FER: variants seen among roughly 807,000 people sequenced by gnomAD.
FER encodes tyrosine-protein kinase Fer.
A neutral mutation model predicts 111.0 loss-of-function variants in FER; 63 were observed. That is an observed-to-expected ratio of 0.57 (90% CI 0.46 to 0.70). The LOEUF is 0.70. Ranked by LOEUF, FER falls within the 30% of genes least tolerant of loss-of-function variation. The pLI is 0.00. For missense variants in FER, 914 were observed against 954.0 expected, an observed-to-expected ratio of 0.96 and a Z score of 0.55; for synonymous variants, 327 against 313.9, an observed-to-expected ratio of 1.04 and a Z score of -0.44.
chr5:109,135,405 G>A (rs1017604028), intron 17 of FER, among the ~76,000 whole-genome samples: 12 of 152,194 alleles, frequency 7.9e-5, no homozygotes, highest in African/African-American at 2.7e-4. Flanking sequence ...TTTGAACCCA[G>A]GCAGTCTGGC....
chr5:108,836,918 G>A (rs1393543005), intron 5 of FER, among the ~76,000 whole-genome samples: 2 of 151,388 alleles, frequency 1.3e-5, no homozygotes, highest in Non-Finnish European at 1.5e-5. Flanking sequence ...TTCTCTCCCC[G>A]CTTCCCCCAA....
chr5:109,163,411 T>C (rs1173296054), intron 17 of FER, among the ~76,000 whole-genome samples: 1 of 152,006 alleles, frequency 6.6e-6, no homozygotes, highest in Non-Finnish European at 1.5e-5. Flanking sequence ...AGAAGGTGAG[T>C]GGCTGGGTTC....
At chr5:109,065,072 C>T (rs1017848352) in intron 16 of FER, among the ~76,000 whole-genome samples, 1 of 152,034 alleles carries the variant, frequency 6.6e-6, no homozygotes, top group African/African-American at 2.4e-5. Flanking sequence ...AAATAAAAAA[C>T]AAATTTTACG....
intron 17 of FER, among the ~76,000 whole-genome samples, chr5:109,130,997 G>T (rs1299266093): frequency 6.6e-6 from 1 of 152,044 alleles, no homozygotes; most frequent in African/African-American, 2.4e-5. Context: ...CTCTTAAATT[G>T]TGTGCTCTTC....
At position 109,085,446 on chromosome 5, in the gene FER, ATC is replaced by A. The variant is rs552198414; in HGVS notation, c.1925-14948_1925-14947del. Among the ~76,000 whole-genome samples, 698 of 147,756 alleles carry A rather than the reference ATC, an allele frequency of 4.7e-3. 6 individuals carry two copies. The highest frequency in any genetic ancestry group is 0.016 in the African/African-American group (665 of 40,462). ...CTTCATAAATTCACTGTTCTGCCAA[ATC>A]TGGTGGATTTTTTTTTTTTGTAGAT... On this transcript the variant is annotated intron_variant, in intron 16 of 19. Coordinates refer to ENST00000281092, the MANE Select transcript of FER (RefSeq NM_005246.4).
chr5:109,065,562 A>G (rs1774988583), intron 16 of FER, among the ~76,000 whole-genome samples: 1 of 152,202 alleles, frequency 6.6e-6, no homozygotes, highest in Non-Finnish European at 1.5e-5. Context: ...ATTAATATTA[A>G]GGAAGGTAAA....
chr5:109,160,000 A>G (rs1489742554), intron 17 of FER, among the ~76,000 whole-genome samples: 2 of 152,160 alleles, frequency 1.3e-5, no homozygotes, highest in African/African-American at 2.4e-5. Context: ...CCCAACTTAA[A>G]CCTTGTAAGA....
chr5:109,059,559 T>C (rs1400290826), intron 16 of FER, among the ~76,000 whole-genome samples: 1 of 152,184 alleles, frequency 6.6e-6, no homozygotes, highest in Middle Eastern at 3.4e-3. Context: ...AATTATGGGA[T>C]CTCTGTCTCC....
At chr5:109,071,336 T>C (rs907226665) in intron 16 of FER, among the ~76,000 whole-genome samples, 5 of 152,062 alleles carry the variant, frequency 3.3e-5, no homozygotes, top group African/African-American at 9.6e-5. Context: ...TTTTTTCTCT[T>C]CATAATTAGA....
chr5:109,141,578 C>T (rs1753526325), intron 17 of FER, among the ~76,000 whole-genome samples: 1 of 152,172 alleles, frequency 6.6e-6, no homozygotes, highest in Non-Finnish European at 1.5e-5. Flanking sequence ...TACCATGTGT[C>T]AGAAAAGGAG....
chr5:108,778,190 A>G (rs1305150756), intron 2 of FER, among the ~76,000 whole-genome samples: 2 of 152,152 alleles, frequency 1.3e-5, no homozygotes, highest in South Asian at 2.1e-4. Flanking sequence ...CAGTTCATCT[A>G]TTCACCTACT....
chr5:108,832,754 T>C lies in FER; in HGVS notation c.208-16T>C. ...CTTTAATGCAAATGTTTGTTTCTTT[T>C]TTTTTTTTTTTTAAGTCTTGGCTAC... On this transcript the variant is annotated splice_polypyrimidine_tract_variant and intron_variant, in intron 3 of 19. Transcript: ENST00000281092. The C allele has an allele frequency of 1.4e-6, 2 of 1,422,342 alleles. No homozygotes were observed. The highest frequency in any genetic ancestry group is 2.5e-5 in the East Asian group (1 of 39,660). 88.1% of individuals were successfully genotyped at this position (1,422,342 alleles called of 1,614,324 possible).
chr5:108,902,310 A>G (rs1212351615), intron 10 of FER, among the ~76,000 whole-genome samples: 3 of 152,210 alleles, frequency 2.0e-5, no homozygotes, highest in African/African-American at 4.8e-5. Context: ...TGTTAGTCAT[A>G]TTTATTTTGC....
chr5:108,992,537 C>T (rs1336991939), intron 13 of FER, among the ~76,000 whole-genome samples: 1 of 141,988 alleles, frequency 7.0e-6, no homozygotes. Context: ...GACGGGGCAG[C>T]TGGCCGGGCA....
chr5:109,022,155 T>C (rs971625908), intron 13 of FER, among the ~76,000 whole-genome samples: 42 of 152,080 alleles, frequency 2.8e-4, no homozygotes, highest in African/African-American at 9.4e-4. Flanking sequence ...CCTCAGAGTC[T>C]GTAGATCTTC....
chr5:109,115,723 T>G (rs939207153), intron 17 of FER, among the ~76,000 whole-genome samples: 24 of 152,138 alleles, frequency 1.6e-4, no homozygotes, highest in African/African-American at 5.8e-4. Flanking sequence ...ATCAGAATTT[T>G]CAGCTTCCAA....
chr5:109,044,985 G>T (rs763066903), intron 15 of FER, among the ~76,000 whole-genome samples, 190 bp downstream of exon 15: 157 of 152,062 alleles, frequency 1.0e-3, no homozygotes, highest in Non-Finnish European at 1.7e-3. Context: ...CAAACCAGGT[G>T]TTAAAAAGCA....
intron 5 of FER, 152 bp downstream of exon 5, chr5:108,835,959 TAGTA>T: frequency 2.4e-6 from 1 of 422,834 alleles, no homozygotes; most frequent in East Asian, 4.3e-5. Flanking sequence ...TCAAACAGTG[TAGTA>T]AGTCTTACTA....
intron 17 of FER, among the ~76,000 whole-genome samples, chr5:109,163,173 T>C (rs1756177841): frequency 6.6e-6 from 1 of 152,188 alleles, no homozygotes; most frequent in Non-Finnish European, 1.5e-5. Flanking sequence ...GCTTTCTTTT[T>C]TGTAACTTAT....
Sources: gnomAD v4.1 joint callset for allele counts (sites outside exome capture counted in the v4.1 genomes callset) on GRCh38, gnomAD v4.1.1 for gene constraint, MANE v1.5 for transcripts, NCBI Gene and HGNC (gene_info 2026-07-23, HGNC 2026-07-21) for gene names.